The following PDCD6 variants were observed in gnomAD, a reference collection of about 807,000 sequenced individuals.
PDCD6 encodes the protein programmed cell death protein 6.
Under a neutral mutation model 28.3 loss-of-function variants are expected in PDCD6, and 12 were observed. That is an observed-to-expected ratio of 0.42 (90% CI 0.27 to 0.69). The LOEUF is 0.69. Among genes scored for constraint, PDCD6 ranks in the 30% least tolerant of loss-of-function variants. PDCD6 has a pLI of 0.22. For synonymous variants in PDCD6, 92 were observed against 108.0 expected (o/e 0.85, Z 0.92); for missense variants, 226 against 269.9 (o/e 0.84, Z 1.14).
chr5:311,641 CG>C (rs1050829403), intron 5 of PDCD6: 1 of 497,424 alleles, frequency 2.0e-6, no homozygotes, highest in African/African-American at 2.0e-5. Context: ...TTTCAGTATC[CG>C]GTGGGTTATT....
chr5:278,283 G>GT (rs1738333520), intron 2 of PDCD6, among the ~76,000 whole-genome samples: 1 of 152,050 alleles, frequency 6.6e-6, no homozygotes. Flanking sequence ...GCCAGACCCT[G>GT]TCCAGGCACT....
At chr5:288,089 TG>T (rs1739087946) in intron 2 of PDCD6, among the ~76,000 whole-genome samples, 1 of 152,056 alleles carries the variant, frequency 6.6e-6, no homozygotes, top group Non-Finnish European at 1.5e-5. Flanking sequence ...TCTCTTGGAA[TG>T]TGTTTAACCT....
chr5:292,563 T>G (rs1462845290), intron 2 of PDCD6, among the ~76,000 whole-genome samples: 4 of 152,164 alleles, frequency 2.6e-5, no homozygotes, highest in African/African-American at 9.7e-5. Flanking sequence ...CTGGCCTGCC[T>G]TTTTCTTTTT....
rs757113890 is a variant in PDCD6 at position 271,680 on chromosome 5, C to G, written c.-41C>G. 6 of 1,215,798 alleles carry G rather than the reference C, an allele frequency of 4.9e-6. No individual in the cohort carries two copies. The highest frequency in any genetic ancestry group is 7.0e-6 in the Non-Finnish European group (6 of 856,994). 75.3% of individuals were successfully genotyped at this position (1,215,798 alleles called of 1,614,324 possible). ...AGCGGAGTCGGCCTGAGAGGTCTCTCGTCGCTGCAGGCGCCTCAGCCCAGC... is the reference window on the plus strand; with the variant it reads ...AGCGGAGTCGGCCTGAGAGGTCTCTGGTCGCTGCAGGCGCCTCAGCCCAGC... On this transcript the variant is annotated 5_prime_UTR_variant, in exon 1 of 6. Transcript: ENST00000264933.
chr5:301,725 T>C (rs1257118869), intron 2 of PDCD6, among the ~76,000 whole-genome samples: 2 of 149,298 alleles, frequency 1.3e-5, no homozygotes, highest in African/African-American at 5.0e-5. Flanking sequence ...GCACCTGCCT[T>C]TGTGGGGAGA....
chr5:311,181 AG>A, intron 4 of PDCD6, 111 bp from the exon 5 acceptor site: 1 of 772,664 alleles, frequency 1.3e-6, no homozygotes, highest in Non-Finnish European at 2.2e-6. Flanking sequence ...GTTCCCACAC[AG>A]CCTTGCATTG....
chr5:272,808 A>G lies in PDCD6; in HGVS notation c.163+36A>G, dbSNP rs1430775549. ...CAGTGGGAACTGGGTCTCCGGACCA[A>G]GAAGCCGCGAGCCTGCCCTGTTCAC... On this transcript the variant is annotated intron_variant, in intron 2 of 5. Transcript: ENST00000264933. 8 of 1,555,896 alleles carry G rather than the reference A, an allele frequency of 5.1e-6. No individual in the cohort carries two copies. The East Asian group carries it at 1.8e-4, about 35-fold the overall frequency.
intron 2 of PDCD6, among the ~76,000 whole-genome samples, chr5:295,213 ATAAAAAAAC>A (rs1739535208): frequency 7.1e-6 from 1 of 141,348 alleles, no homozygotes; most frequent in African/African-American, 2.9e-5. Flanking sequence ...AACTCTTAAA[ATAAAAAAAC>A]CACAAAAAGT....
At chr5:306,449 C>T in intron 3 of PDCD6, 153 bp from the exon 4 acceptor site, 2 of 675,944 alleles carry the variant, frequency 3.0e-6, no homozygotes, top group Non-Finnish European at 5.3e-6. Flanking sequence ...AGGGATTTCA[C>T]CCCATTCACA....
chr5:302,248 A>C (rs1740124960), intron 2 of PDCD6, among the ~76,000 whole-genome samples: 1 of 128,490 alleles, frequency 7.8e-6, no homozygotes, highest in Non-Finnish European at 1.6e-5. Flanking sequence ...CTTTGTGGTA[A>C]GAGCACAGCT....
At chr5:282,364 T>A (rs1399216995) in intron 2 of PDCD6, among the ~76,000 whole-genome samples, 1 of 151,322 alleles carries the variant, frequency 6.6e-6, no homozygotes, top group East Asian at 1.9e-4. Context: ...GTCATGGAGT[T>A]GGAGGCCTGG....
At chr5:273,675 C>T (rs980374306) in intron 2 of PDCD6, among the ~76,000 whole-genome samples, 7 of 146,742 alleles carry the variant, frequency 4.8e-5, no homozygotes, top group Non-Finnish European at 7.4e-5. Context: ...CTAGACACTG[C>T]CTCACTGCGC....
intron 2 of PDCD6, 172 bp downstream of exon 2, chr5:272,944 G>A: frequency 7.9e-7 from 1 of 1,272,050 alleles, no homozygotes; most frequent in Non-Finnish European, 1.1e-6. Flanking sequence ...GGCTACCGCT[G>A]TTACTGCTTG....
chr5:297,341 C>G (rs1224571931), intron 2 of PDCD6, among the ~76,000 whole-genome samples: 1 of 152,242 alleles, frequency 6.6e-6, no homozygotes, highest in African/African-American at 2.4e-5. Flanking sequence ...TTCCGTTACC[C>G]TTAAAAAGTA....
intron 2 of PDCD6, among the ~76,000 whole-genome samples, chr5:280,495 G>C (rs1738497659): frequency 6.6e-6 from 1 of 151,704 alleles, no homozygotes; most frequent in African/African-American, 2.4e-5. Context: ...GAAGTAGAGG[G>C]CAGGGCTGTG....
At chr5:272,836 T>C in intron 2 of PDCD6, 64 bp downstream of exon 2, 3 of 1,549,904 alleles carry the variant, frequency 1.9e-6, no homozygotes, top group South Asian at 1.1e-5. Context: ...CTGTTCACAG[T>C]GGATAACTTT....
chr5:288,238 T>A (rs1369024270), intron 2 of PDCD6, among the ~76,000 whole-genome samples: 1 of 150,072 alleles, frequency 6.7e-6, no homozygotes, highest in Non-Finnish European at 1.5e-5. Flanking sequence ...ACTGTATTCA[T>A]CTCTTATGGA....
chr5:291,237 C>G (rs1361783818), intron 2 of PDCD6, among the ~76,000 whole-genome samples: 6 of 152,102 alleles, frequency 3.9e-5, no homozygotes, highest in African/African-American at 1.4e-4. Flanking sequence ...TTTCTGTTTT[C>G]TTTTTGAGGC....
rs1163844302 is a variant in PDCD6, at chr5:314,653, A to C, written c.*138A>C. The C allele has an allele frequency of 2.8e-6, 2 of 709,512 alleles. No individual in the cohort carries two copies. The highest frequency in any genetic ancestry group is 5.1e-6 in the Non-Finnish European group (2 of 390,584). The allele number at this position is 709,512 out of a possible 1,614,324, so 44.0% of individuals were successfully genotyped here. A position where few individuals can be genotyped will look rare whatever the true frequency, so the allele number is the denominator to read the frequency against. On this transcript the variant is annotated 3_prime_UTR_variant, in exon 6 of 6. Coordinates refer to ENST00000264933, the MANE Select transcript of PDCD6 (RefSeq NM_013232.4). ...TTGTCACGTGGGGACCCAGCTGTACATATGTGGATAAGCTGATTAATGGTT... is the reference window on the plus strand; with the variant it reads ...TTGTCACGTGGGGACCCAGCTGTACCTATGTGGATAAGCTGATTAATGGTT...
Sources: gnomAD v4.1 joint callset for allele counts (sites outside exome capture counted in the v4.1 genomes callset) on GRCh38, gnomAD v4.1.1 for gene constraint, MANE v1.5 for transcripts, NCBI Gene and HGNC (gene_info 2026-07-23, HGNC 2026-07-21) for gene names.